Variants in MCC observed in about 807,000 individuals in gnomAD.
The protein encoded by MCC is MCC regulator of Wnt signaling pathway.
A neutral mutation model predicts 116.2 loss-of-function variants in MCC; 90 were observed. The ratio of observed to expected loss-of-function variants is 0.77; its 90% CI spans 0.65 to 0.92. The LOEUF (loss-of-function observed/expected upper bound fraction) is 0.92. MCC is among the 40% of genes least tolerant of loss of function. The probability of loss-of-function intolerance (pLI) is 0.00; values close to 1 mark genes in which losing one functional copy is unlikely to be tolerated. For synonymous variants in MCC, 578 were observed against 510.5 expected (o/e 1.13, Z -1.78); for missense variants, 1,516 against 1,312.2 (o/e 1.16, Z -2.40).
At chr5:113,438,290 T>C (rs1263958437) in intron 1 of MCC, among the ~76,000 whole-genome samples, 1 of 152,124 alleles carries the variant, frequency 6.6e-6, no homozygotes, top group Non-Finnish European at 1.5e-5. Context: ...TTATCAAGGG[T>C]TCCATCTGCC....
intron 1 of MCC, among the ~76,000 whole-genome samples, chr5:113,391,401 A>T (rs1769397676): frequency 6.6e-6 from 1 of 152,096 alleles, no homozygotes; most frequent in African/African-American, 2.4e-5. Flanking sequence ...CTAGCATGGA[A>T]TAAGGAGATA....
intron 3 of MCC, among the ~76,000 whole-genome samples, chr5:113,263,472 C>A (rs571961507): frequency 7.2e-5 from 11 of 152,286 alleles, no homozygotes; most frequent in African/African-American, 2.6e-4. Flanking sequence ...ATGTAACAAA[C>A]TTCTGCCTAG....
At chr5:113,053,529 T>A (rs1244917102) in intron 15 of MCC, among the ~76,000 whole-genome samples, 196 bp downstream of exon 15, 1 of 151,522 alleles carries the variant, frequency 6.6e-6, no homozygotes, top group Non-Finnish European at 1.5e-5. Context: ...CCTTAGAAAT[T>A]CAACTCCCCT....
At chr5:113,177,831 T>G (rs931484930) in intron 3 of MCC, among the ~76,000 whole-genome samples, 1 of 152,240 alleles carries the variant, frequency 6.6e-6, no homozygotes, top group Non-Finnish European at 1.5e-5. Context: ...AATGCCTGAG[T>G]AAATGCCATC....
chr5:113,144,205 T>C (rs2044238), intron 4 of MCC, among the ~76,000 whole-genome samples: 81,976 of 152,036 alleles, frequency 0.54, 23,752 homozygotes, highest in East Asian at 0.72. Context: ...AGCAGAGTTA[T>C]AGAAACATTT....
chr5:113,309,217 G>C (rs1767076264), intron 3 of MCC, among the ~76,000 whole-genome samples: 1 of 152,172 alleles, frequency 6.6e-6, no homozygotes, highest in African/African-American at 2.4e-5. Flanking sequence ...AGTAGCTTTA[G>C]AGGTACAAGT....
chr5:113,459,524 T>G (rs373799975), intron 1 of MCC, among the ~76,000 whole-genome samples: 1 of 151,424 alleles, frequency 6.6e-6, no homozygotes, highest in Admixed American at 6.6e-5. Flanking sequence ...GGCAACAGAG[T>G]GAGACTCCAT....
At chr5:113,310,073 T>C (rs1767100309) in intron 3 of MCC, among the ~76,000 whole-genome samples, 1 of 152,194 alleles carries the variant, frequency 6.6e-6, no homozygotes, top group South Asian at 2.1e-4. Context: ...ACCAGCAGCC[T>C]ACTCTTGGCC....
intron 2 of MCC, among the ~76,000 whole-genome samples, chr5:113,374,525 G>A (rs186661820): frequency 6.6e-6 from 1 of 152,126 alleles, no homozygotes; most frequent in Admixed American, 6.5e-5. Context: ...GAGTCTAGGG[G>A]ACAGACCGAC....
chr5:113,443,448 A>G (rs1771109031), intron 1 of MCC, among the ~76,000 whole-genome samples: 1 of 152,158 alleles, frequency 6.6e-6, no homozygotes, highest in African/African-American at 2.4e-5. Flanking sequence ...GCAAACAAAG[A>G]CAATTTGACT....
chr5:113,298,742 G>C (rs1294109977), intron 3 of MCC, among the ~76,000 whole-genome samples: 2 of 152,292 alleles, frequency 1.3e-5, no homozygotes, highest in East Asian at 1.9e-4. Context: ...AAGAGAACGA[G>C]AGAGTGTACA....
intron 3 of MCC, among the ~76,000 whole-genome samples, chr5:113,162,497 C>CT (rs149275262): frequency 0.028 from 4,287 of 152,012 alleles, 115 homozygotes; most frequent in East Asian, 0.078. Flanking sequence ...TCGTTGCAAT[C>CT]TTCTTTTTTT....
intron 13 of MCC, among the ~76,000 whole-genome samples, chr5:113,065,993 T>C (rs1336633925): frequency 1.3e-5 from 2 of 152,256 alleles, no homozygotes; most frequent in African/African-American, 4.8e-5. Context: ...TTCATGCCTC[T>C]CTTCTCTCCA....
At chr5:113,122,360 C>T (rs1277609166) in intron 6 of MCC, among the ~76,000 whole-genome samples, 1 of 151,926 alleles carries the variant, frequency 6.6e-6, no homozygotes, top group Non-Finnish European at 1.5e-5. Context: ...TGGCCCCCAT[C>T]CCATCCCTTC....
chr5:113,247,528 G>A (rs1764623174), intron 3 of MCC, among the ~76,000 whole-genome samples: 1 of 152,174 alleles, frequency 6.6e-6, no homozygotes, highest in Admixed American at 6.5e-5. Flanking sequence ...TCTTCACATG[G>A]AAGTTTTAGT....
intron 17 of MCC, among the ~76,000 whole-genome samples, chr5:113,039,438 C>T (rs968781404): frequency 6.6e-6 from 1 of 152,156 alleles, no homozygotes; most frequent in African/African-American, 2.4e-5. Flanking sequence ...GTCCGCCTCC[C>T]GCCATGGCAC....
At chr5:113,052,804 C>T (rs1308881911) in intron 15 of MCC, among the ~76,000 whole-genome samples, 1 of 152,168 alleles carries the variant, frequency 6.6e-6, no homozygotes, top group Non-Finnish European at 1.5e-5. Flanking sequence ...GGTCAGGTGG[C>T]TGAAAGTCCC....
chr5:113,265,477 T>C lies in MCC; in HGVS notation c.627+75042A>G, dbSNP rs141252616. 5.5e-4 allele frequency among the ~76,000 whole-genome samples: 84 copies of C among 152,288 alleles called. 1 individual carries two copies. In the East Asian group the frequency reaches 0.011, roughly 20 times the overall value. Reference sequence around the variant, plus strand: ...TAACTTAGTCCCGTACTTAGAATCTTATACTCCGCCTTCTAATAGGTCTTC... The same window carrying C: ...TAACTTAGTCCCGTACTTAGAATCTCATACTCCGCCTTCTAATAGGTCTTC... On this transcript the variant is annotated intron_variant, in intron 3 of 18. Coordinates refer to ENST00000408903, the MANE Select transcript of MCC (RefSeq NM_001085377.2).
intron 1 of MCC, among the ~76,000 whole-genome samples, chr5:113,480,882 C>T (rs961373936): frequency 6.6e-6 from 1 of 152,122 alleles, no homozygotes; most frequent in Non-Finnish European, 1.5e-5. Context: ...TCAACTGATC[C>T]TCCCTCCTCA....
Sources: gnomAD v4.1 joint callset for allele counts (sites outside exome capture counted in the v4.1 genomes callset) on GRCh38, gnomAD v4.1.1 for gene constraint, MANE v1.5 for transcripts, NCBI Gene and HGNC (gene_info 2026-07-23, HGNC 2026-07-21) for gene names.